Variants in SLC11A2 observed in about 807,000 individuals in gnomAD.
SLC11A2 encodes the protein natural resistance-associated macrophage protein 2.
In SLC11A2, 38 loss-of-function variants were observed where a neutral mutation model predicts 68.0. The observed-to-expected ratio is 0.56, with a 90% CI of 0.43 to 0.73. The LOEUF (loss-of-function observed/expected upper bound fraction) is 0.73, where lower values mean the gene tolerates loss of function less well. Ranked by LOEUF, SLC11A2 falls within the 30% of genes least tolerant of loss-of-function variation. SLC11A2 has a pLI of 0.00. For synonymous variants in SLC11A2, 242 were observed against 250.6 expected (o/e 0.97, Z 0.32); for missense variants, 517 against 690.5 (o/e 0.75, Z 2.82).
chr12:50,954,207 C>G, the SLC11A2 span: 1 of 633,302 alleles, frequency 1.6e-6, no homozygotes, highest in Non-Finnish European at 2.8e-6. Context: ...ATAATTGAAG[C>G]TAACCTCCTC....
intron 1 of SLC11A2, among the ~76,000 whole-genome samples, chr12:51,016,288 T>C (rs1444844628): frequency 4.6e-5 from 7 of 152,080 alleles, no homozygotes; most frequent in Non-Finnish European, 8.8e-5. Flanking sequence ...GGCTCACACC[T>C]GTAATCCCAG....
chr12:50,995,944 G>A (rs1257183566), intron 9 of SLC11A2, among the ~76,000 whole-genome samples, 157 bp from the exon 10 acceptor site: 1 of 152,124 alleles, frequency 6.6e-6, no homozygotes, highest in Non-Finnish European at 1.5e-5. Flanking sequence ...AGTTCACTGA[G>A]CAATTAAGAA....
chr12:50,983,104 C>T (rs576340436), downstream of SLC11A2, among the ~76,000 whole-genome samples: 1 of 151,926 alleles, frequency 6.6e-6, no homozygotes, highest in African/African-American at 2.4e-5. Context: ...CTCACTGCCA[C>T]CTCTACCTCC....
rs549868958 is a variant in SLC11A2, at chr12:51,022,459, C to A, written c.-39+3851G>T. ...TTTCCAAAAAAAAAAAAAAAAAAAT[C>A]CCCTATTAAACCAGCCTATACCTAC... is the stretch of plus-strand genomic sequence containing the variant. On this transcript the variant is annotated intron_variant, in intron 1 of 15. Coordinates refer to ENST00000262052, the MANE Select transcript of SLC11A2 (RefSeq NM_000617.3). 6.9e-3 allele frequency among the ~76,000 whole-genome samples: 977 copies of A among 141,138 alleles called. 36 individuals are homozygous for A. Among genetic ancestry groups the A allele is most frequent in the Admixed American group, 0.055 (772 of 13,910 alleles). The allele number at this position is 141,138 out of a possible 152,430, so 92.6% of individuals were successfully genotyped here. A position where few individuals can be genotyped will look rare whatever the true frequency, so the allele number is the denominator to read the frequency against.
chr12:51,022,449 A>C (rs1236968018), intron 1 of SLC11A2, among the ~76,000 whole-genome samples: 1 of 151,716 alleles, frequency 6.6e-6, no homozygotes, highest in Admixed American at 6.6e-5. Context: ...AAAAAAAAAA[A>C]AAAAAAAATC....
rs200544471 is a variant in SLC11A2 at position 50,995,619 on chromosome 12, G to C, written c.990+10C>G. The stretch of plus-strand genomic sequence containing the variant: ...ACATTCACTACCACCCATAACCCTG[G>C]CTTACTCACCACCTGCTCGTTGGTT... On this transcript the variant is annotated intron_variant, in intron 10 of 15. Transcript: ENST00000262052. 2 of 1,613,762 alleles carry C rather than the reference G, an allele frequency of 1.2e-6. No homozygotes were observed. Among genetic ancestry groups the C allele is most frequent in the Non-Finnish European group, 1.7e-6 (2 of 1,179,856 alleles).
chr12:50,995,875 T>C (rs1462300520), intron 9 of SLC11A2, 88 bp from the exon 10 acceptor site: 14 of 1,283,748 alleles, frequency 1.1e-5, no homozygotes, highest in Non-Finnish European at 1.6e-5. Context: ...AGCTGAGAGA[T>C]TTAGGGGACA....
chr12:50,969,719 A>AAAC, the SLC11A2 span, among the ~76,000 whole-genome samples: 1 of 151,466 alleles, frequency 6.6e-6, no homozygotes, highest in African/African-American at 2.4e-5. Context: ...AAAAAAACAA[A>AAAC]AACAAAACGT....
intron 5 of SLC11A2, among the ~76,000 whole-genome samples, chr12:51,003,833 G>A (rs960071566): frequency 4.0e-5 from 6 of 151,534 alleles, no homozygotes; most frequent in Non-Finnish European, 8.8e-5. Flanking sequence ...CCAGCTACTT[G>A]GGAGGCTGAG....
chr12:50,952,317 G>A, the SLC11A2 span, among the ~76,000 whole-genome samples: 3 of 151,920 alleles, frequency 2.0e-5, no homozygotes, highest in African/African-American at 4.8e-5. Context: ...AGGAAAATGC[G>A]GGTACCAGAC....
At chr12:51,026,118 G>A in intron 1 of SLC11A2, 192 bp downstream of exon 1, 3 of 1,089,230 alleles carry the variant, frequency 2.8e-6, no homozygotes, top group Non-Finnish European at 3.4e-6. Context: ...TCTGAATGGC[G>A]CGACTCCATC....
the SLC11A2 span, chr12:50,960,856 T>C: frequency 1.1e-6 from 1 of 890,760 alleles, no homozygotes; most frequent in Non-Finnish European, 1.6e-6. Flanking sequence ...CTAATTTTTT[T>C]TTTTTTAGAG....
the SLC11A2 span, chr12:50,970,599 C>A: frequency 1.3e-6 from 1 of 740,926 alleles, no homozygotes; most frequent in Non-Finnish European, 2.3e-6. Context: ...TTTTACTACA[C>A]AAGTGTCACA....
chr12:50,959,291 G>T, the SLC11A2 span, among the ~76,000 whole-genome samples: 5 of 151,548 alleles, frequency 3.3e-5, no homozygotes, highest in Non-Finnish European at 7.4e-5. Context: ...GGCTAATTTT[G>T]TATTTTTAGT....
chr12:50,987,201 C>T lies in SLC11A2; in HGVS notation c.*1124G>A, dbSNP rs756275201. 4.7e-5 allele frequency: 61 copies of T among 1,286,784 alleles called. 1 individual carries two copies. Among genetic ancestry groups the T allele is most frequent in the Non-Finnish European group, 5.5e-5 (54 of 988,512 alleles). 79.7% of individuals were successfully genotyped at this position (1,286,784 alleles called of 1,614,324 possible). A position where few individuals can be genotyped will look rare whatever the true frequency, so the allele number is the denominator to read the frequency against. On this transcript the variant is annotated 3_prime_UTR_variant, in exon 16 of 16. Transcript: ENST00000262052. ...TGAGGAAACAGCTGTAGAGAGGTAG[C>T]CCAGTTCAACTTTGCTGAGACAGTG... is the stretch of plus-strand genomic sequence containing the variant.
chr12:50,984,138 AAAAAAG>A (rs544941557), downstream of SLC11A2, among the ~76,000 whole-genome samples: 444 of 152,158 alleles, frequency 2.9e-3, 3 homozygotes, highest in African/African-American at 0.01. Context: ...CAGAAAAAAA[AAAAAAG>A]AAAATGCCAA....
rs572500999 is a variant in SLC11A2 at position 50,994,824 on chromosome 12, G to A, written c.991-194C>T. 1,729 of 584,932 alleles carry A rather than the reference G, an allele frequency of 3.0e-3. 20 individuals are homozygous for A. Among genetic ancestry groups the A allele is most frequent in the African/African-American group, 0.029 (1,537 of 53,532 alleles). The allele number at this position is 584,932 out of a possible 1,614,324, so 36.2% of individuals were successfully genotyped here. On this transcript the variant is annotated intron_variant, in intron 10 of 15. Coordinates refer to ENST00000262052, the MANE Select transcript of SLC11A2 (RefSeq NM_000617.3). ...CCTCTATAATCCTTCTACACCCACA[G>A]GTCATCAAAAATCTTTACTGAGTTA...
At chr12:51,025,796 G>A (rs973611652) in intron 1 of SLC11A2, 11 of 986,348 alleles carry the variant, frequency 1.1e-5, no homozygotes, top group Non-Finnish European at 1.2e-5. Context: ...CGCGTATGCA[G>A]GCTATTCACA....
intron 1 of SLC11A2, among the ~76,000 whole-genome samples, chr12:51,012,926 C>A (rs1943348538): frequency 6.6e-6 from 1 of 152,224 alleles, no homozygotes; most frequent in African/African-American, 2.4e-5. Context: ...TATTTGACCA[C>A]TCAGAGTAGC....
Sources: allele counts gnomAD v4.1 joint callset (sites outside exome capture counted in the v4.1 genomes callset), GRCh38; gene constraint gnomAD v4.1.1; transcripts MANE v1.5; gene names NCBI Gene and HGNC (gene_info 2026-07-23, HGNC 2026-07-21).